Variants in TLN2 observed in about 807,000 individuals in gnomAD.
TLN2 encodes talin 2.
TLN2 carries 118 observed loss-of-function variants against 294.7 expected under a neutral mutation model. That is an observed-to-expected ratio of 0.40 (90% CI 0.34 to 0.47). The LOEUF is 0.47. TLN2 is among the 20% of genes least tolerant of loss of function. The pLI, the probability that TLN2 is intolerant of heterozygous loss-of-function variation, is 0.84. For synonymous variants in TLN2, 1,431 were observed against 1,304.5 expected, an observed-to-expected ratio of 1.10 and a Z score of -2.09; for missense variants, 3,083 against 3,282.2, an observed-to-expected ratio of 0.94 and a Z score of 1.48.
chr15:62,831,812 T>C (rs2068873827), intron 54 of TLN2: 2 of 152,218 alleles, frequency 1.3e-5, no homozygotes, highest in Admixed American at 1.3e-4. Flanking sequence ...CCTTTCATGG[T>C]TCAAGATGTG....
Position 62,741,101 on chromosome 15 carries a change from A to G in TLN2, c.4025+332A>G, listed in dbSNP as rs75616650. ...TATATCTTTCTGATTATAAAATAGT[A>G]TATATGCTTCTTGAAACATCAGAAA... On this transcript the variant is annotated intron_variant, in intron 32 of 58. Transcript: ENST00000636159. Among the ~76,000 whole-genome samples the G allele has an allele frequency of 5.2e-3, 791 of 152,364 alleles. 5 individuals are homozygous for G. The highest frequency in any genetic ancestry group is 0.018 in the African/African-American group (749 of 41,582).
At chr15:62,771,885 G>A (rs190739663) in intron 42 of TLN2, among the ~76,000 whole-genome samples, 423 of 152,334 alleles carry the variant, frequency 2.8e-3, no homozygotes, top group Admixed American at 5.3e-3. Flanking sequence ...TTTTTAAGCA[G>A]GGGAATGGCA....
At chr15:62,815,246 C>T (rs1468364932) in intron 52 of TLN2, among the ~76,000 whole-genome samples, 1 of 151,240 alleles carries the variant, frequency 6.6e-6, no homozygotes, top group Non-Finnish European at 1.5e-5. Flanking sequence ...CTCGCTCTGC[C>T]CTTCACTCTG....
intron 8 of TLN2, 70 bp downstream of exon 8, chr15:62,656,156 G>C (rs571540487): frequency 6.3e-7 from 1 of 1,579,766 alleles, no homozygotes. Flanking sequence ...ATCTTGTGGC[G>C]AGCAGGAGGG....
At chr15:62,769,108 G>A (rs141055827) in intron 41 of TLN2, among the ~76,000 whole-genome samples, 36 of 152,284 alleles carry the variant, frequency 2.4e-4, no homozygotes, top group African/African-American at 7.9e-4. Flanking sequence ...CACAGCAACC[G>A]CTGACATTTG....
chr15:62,650,012 C>A, intron 4 of TLN2, 72 bp from the exon 5 acceptor site: 1 of 1,487,748 alleles, frequency 6.7e-7, no homozygotes, highest in Non-Finnish European at 9.3e-7. Flanking sequence ...AGTCAGCAGG[C>A]TCAGGGCCTG....
At chr15:62,645,973 T>G (rs1400197477) in intron 3 of TLN2, among the ~76,000 whole-genome samples, 1 of 152,104 alleles carries the variant, frequency 6.6e-6, no homozygotes, top group Admixed American at 6.5e-5. Flanking sequence ...TGGCTTGGGT[T>G]AAGTGAGTAG....
chr15:62,682,844 T>G (rs2056956268), intron 11 of TLN2: 1 of 152,152 alleles, frequency 6.6e-6, no homozygotes, highest in South Asian at 2.1e-4. Context: ...TTTGAAAACT[T>G]TTTGCAGACT....
intron 11 of TLN2, among the ~76,000 whole-genome samples, chr15:62,685,216 T>C (rs1226259471): frequency 6.6e-6 from 1 of 152,178 alleles, no homozygotes; most frequent in African/African-American, 2.4e-5. Context: ...TTTTTAATAA[T>C]ATATTATGAA....
intron 33 of TLN2, 151 bp downstream of exon 33, chr15:62,748,595 C>A: frequency 1.5e-6 from 1 of 655,516 alleles, no homozygotes; most frequent in Non-Finnish European, 2.6e-6. Flanking sequence ...TCCTTGGAGG[C>A]TGTTAAGGCC....
At chr15:62,622,644 A>T (rs1450335322) in intron 3 of TLN2, among the ~76,000 whole-genome samples, 1 of 152,220 alleles carries the variant, frequency 6.6e-6, no homozygotes, top group African/African-American at 2.4e-5. Flanking sequence ...TCATAATTTT[A>T]AAAATGCAGA....
chr15:62,555,276 G>T (rs565967427), intron 1 of TLN2, among the ~76,000 whole-genome samples: 11 of 152,002 alleles, frequency 7.2e-5, no homozygotes, highest in African/African-American at 2.7e-4. Flanking sequence ...TTTTTTTTAC[G>T]TTACTAATTT....
chr15:62,491,343 TATATATATACACACACACAC>T (rs1240009674), intron 1 of TLN2, among the ~76,000 whole-genome samples: 3 of 113,552 alleles, frequency 2.6e-5, no homozygotes, highest in African/African-American at 1.0e-4. Context: ...AAAAAATATA[TATATATATACACACACACAC>T]ACACACACAC....
rs191283788 is a variant in TLN2, at chr15:62,807,823, A to C, written c.6663+2038A>C. Among the ~76,000 whole-genome samples, 574 of 152,356 alleles carry C rather than the reference A, an allele frequency of 3.8e-3. 3 individuals carry two copies. The highest frequency in any genetic ancestry group is 0.028 in the South Asian group (136 of 4,826). ...TTCACACACCAAAATCAGACTTGAC[A>C]GGAGTCACTGCTGAGCCCTGATGCT... On this transcript the variant is annotated intron_variant, in intron 51 of 58. Coordinates refer to ENST00000636159, the MANE Select transcript of TLN2 (RefSeq NM_015059.3).
At chr15:62,764,828 A>G (rs939806219) in intron 40 of TLN2, among the ~76,000 whole-genome samples, 1 of 152,034 alleles carries the variant, frequency 6.6e-6, no homozygotes, top group Non-Finnish European at 1.5e-5. Flanking sequence ...TTAGCCGAGC[A>G]TGGTGGCGGG....
chr15:62,545,223 C>T (rs2041925237), intron 1 of TLN2, among the ~76,000 whole-genome samples: 1 of 152,152 alleles, frequency 6.6e-6, no homozygotes, highest in Admixed American at 6.5e-5. Flanking sequence ...CAGGCGTGAG[C>T]CACCGCACCC....
chr15:62,702,887 G>C, intron 19 of TLN2, 23 bp downstream of exon 19: 1 of 1,606,800 alleles, frequency 6.2e-7, no homozygotes, highest in Non-Finnish European at 8.5e-7. Context: ...CAGGCTTATA[G>C]TCATGGAAAG....
At chr15:62,539,430 A>G (rs986913422) in intron 1 of TLN2, among the ~76,000 whole-genome samples, 8 of 152,294 alleles carry the variant, frequency 5.3e-5, no homozygotes, top group African/African-American at 1.7e-4. Flanking sequence ...AAAGGACAGC[A>G]TATATGATTG....
At position 62,485,019 on chromosome 15, in the gene TLN2, C is replaced by T. The variant is rs1000252189; in HGVS notation, c.-238+94334C>T. 2.0e-5 allele frequency among the ~76,000 whole-genome samples: 3 copies of T among 152,254 alleles called. No individual in the cohort carries two copies. In the South Asian group the frequency reaches 6.2e-4, roughly 32 times the overall value. ...TCTTTTGTTTTTTTACAGCTTCTAG[C>T]GGCAGCCTGCATCACTCAGCTGGGG... is the stretch of plus-strand genomic sequence containing the variant. On this transcript the variant is annotated intron_variant, in intron 1 of 58. Coordinates refer to ENST00000636159, the MANE Select transcript of TLN2 (RefSeq NM_015059.3).
Sources: allele counts gnomAD v4.1 joint callset (sites outside exome capture counted in the v4.1 genomes callset), GRCh38; gene constraint gnomAD v4.1.1; transcripts MANE v1.5; gene names NCBI Gene and HGNC (gene_info 2026-07-23, HGNC 2026-07-21).